RARB: variants seen among roughly 807,000 people sequenced by gnomAD.
RARB encodes HBV-activated protein.
In RARB, 17 loss-of-function variants were observed where a neutral mutation model predicts 51.9. That is an observed-to-expected ratio of 0.33 (90% confidence interval 0.22 to 0.49). RARB has a LOEUF of 0.49. RARB is among the 20% of genes least tolerant of loss of function. The pLI, the probability that RARB is intolerant of heterozygous loss-of-function variation, is 0.99. For missense variants in RARB, 369 were observed against 550.8 expected (o/e 0.67, Z 3.30); for synonymous variants, 215 against 195.4 (o/e 1.10, Z -0.84).
chr3:24,846,328 T>G (rs1702485436), intron 1 of RARB, among the ~76,000 whole-genome samples: 1 of 152,220 alleles, frequency 6.6e-6, no homozygotes, highest in African/African-American at 2.4e-5. Context: ...TAAGACAATA[T>G]CTGGCACTTA....
intron 5 of RARB, among the ~76,000 whole-genome samples, chr3:25,289,364 G>A (rs945507406): frequency 4.6e-5 from 7 of 152,206 alleles, no homozygotes; most frequent in Admixed American, 3.9e-4. Context: ...CTATCCAAGA[G>A]ACAGAGTATC....
At chr3:25,464,818 T>C (rs1695350733) in intron 2 of RARB, among the ~76,000 whole-genome samples, 1 of 152,138 alleles carries the variant, frequency 6.6e-6, no homozygotes, top group Non-Finnish European at 1.5e-5. Flanking sequence ...ATTGTTATTG[T>C]TTCAGAAAAA....
At chr3:25,148,893 T>G (rs1336444443) in intron 4 of RARB, among the ~76,000 whole-genome samples, 1 of 151,948 alleles carries the variant, frequency 6.6e-6, no homozygotes, top group East Asian at 1.9e-4. Context: ...CTTCTTCCCC[T>G]ATCTTTTTTC....
At chr3:25,580,813 C>G in intron 5 of RARB, 91 bp downstream of exon 5, 2 of 1,363,554 alleles carry the variant, frequency 1.5e-6, no homozygotes, top group South Asian at 3.3e-5. Context: ...TTGAAGATCT[C>G]CAGAGGAGGT....
intron 4 of RARB, among the ~76,000 whole-genome samples, chr3:25,140,622 A>G (rs1700093420): frequency 6.6e-6 from 1 of 152,232 alleles, no homozygotes. Flanking sequence ...CATTTAGAAT[A>G]TTCCATAAAC....
chr3:25,176,147 A>G (rs1700738775), intron 5 of RARB, among the ~76,000 whole-genome samples: 1 of 152,080 alleles, frequency 6.6e-6, no homozygotes, highest in South Asian at 2.1e-4. Context: ...GTAGCCAAGA[A>G]GTTGAGATAT....
chr3:25,003,493 T>C (rs1385743589), intron 2 of RARB, among the ~76,000 whole-genome samples: 1 of 152,172 alleles, frequency 6.6e-6, no homozygotes, highest in Non-Finnish European at 1.5e-5. Flanking sequence ...TACAGTTTTG[T>C]CAGCACTGTG....
intron 3 of RARB, among the ~76,000 whole-genome samples, chr3:25,084,435 G>A (rs1439979384): frequency 6.6e-6 from 1 of 150,904 alleles, no homozygotes; most frequent in Non-Finnish European, 1.5e-5. Context: ...TTTGCTATTT[G>A]TAATATAGTT....
At chr3:25,362,645 A>G (rs13325064) in intron 5 of RARB, among the ~76,000 whole-genome samples, 70,970 of 152,138 alleles carry the variant, frequency 0.47, 17,378 homozygotes, top group East Asian at 0.84. Flanking sequence ...TGCAAAGACC[A>G]TGAGAAAAGC....
At position 25,506,446 on chromosome 3, in the gene RARB, A is replaced by AT. The variant is rs571133154; in HGVS notation, c.448+5130dup. Among the ~76,000 whole-genome samples, 21 of 152,026 alleles carry AT rather than the reference A, an allele frequency of 1.4e-4. No homozygotes were observed. The South Asian group carries it at 4.0e-3, about 29-fold the overall frequency. On this transcript the variant is annotated intron_variant, in intron 3 of 7. Coordinates refer to ENST00000330688, the MANE Select transcript of RARB (RefSeq NM_000965.5). ...CGTGGCAAGACCCCAACTCTACAAA[A>AT]TTTTTTTAAAAATTAGCTGAGAGTG...
intron 5 of RARB, among the ~76,000 whole-genome samples, chr3:25,374,531 A>T (rs78155235): frequency 0.017 from 2,612 of 152,196 alleles, 71 homozygotes; most frequent in African/African-American, 0.058. Context: ...CCCCCACAGA[A>T]GTTAGTGGCC....
intron 3 of RARB, among the ~76,000 whole-genome samples, chr3:25,113,818 C>A (rs1465193646): frequency 6.6e-6 from 1 of 152,050 alleles, no homozygotes; most frequent in Non-Finnish European, 1.5e-5. Context: ...GAGGAAAGGA[C>A]CCTGAGCAGA....
rs553737586 is a variant in RARB, at chr3:25,153,054, C to T, written c.-280+20846C>T. On this transcript the variant is annotated intron_variant, in intron 4 of 11. Coordinates refer to the RARB transcript ENST00000383772. ...GAATAATTTTGAATCTATTGATAAG[C>T]ACTCTTCATTACTACTTTCATGGAA... Among the ~76,000 whole-genome samples the T allele has an allele frequency of 7.2e-5, 11 of 152,262 alleles. No homozygotes were observed. The East Asian group carries it at 2.1e-3, about 29-fold the overall frequency.
At chr3:25,129,615 G>A (rs897392351) in intron 3 of RARB, among the ~76,000 whole-genome samples, 2 of 151,926 alleles carry the variant, frequency 1.3e-5, no homozygotes, top group Non-Finnish European at 2.9e-5. Context: ...AAATATCAGA[G>A]TATGACTCAT....
chr3:24,886,305 G>A (rs1481359234), intron 2 of RARB, among the ~76,000 whole-genome samples: 1 of 151,980 alleles, frequency 6.6e-6, no homozygotes, highest in Non-Finnish European at 1.5e-5. Context: ...TCATTTCTTT[G>A]GAGTCCCTGA....
chr3:25,485,865 G>C (rs1696441382), intron 2 of RARB, among the ~76,000 whole-genome samples: 1 of 152,266 alleles, frequency 6.6e-6, no homozygotes, highest in East Asian at 1.9e-4. Context: ...GGGCTGTCTA[G>C]ATTCTGGGGA....
intron 1 of RARB, among the ~76,000 whole-genome samples, chr3:24,846,127 A>G (rs1490454704): frequency 6.6e-6 from 1 of 152,216 alleles, no homozygotes; most frequent in African/African-American, 2.4e-5. Context: ...AAGAAAAGGT[A>G]AGACAAAATT....
At chr3:25,216,558 G>A (rs552430062) in intron 5 of RARB, among the ~76,000 whole-genome samples, 7 of 149,230 alleles carry the variant, frequency 4.7e-5, no homozygotes, top group African/African-American at 1.7e-4. Flanking sequence ...ACACAAAGGG[G>A]AACAACACAC....
At chr3:25,451,672 A>G (rs983190522) in intron 1 of RARB, among the ~76,000 whole-genome samples, 2 of 152,202 alleles carry the variant, frequency 1.3e-5, no homozygotes, top group African/African-American at 4.8e-5. Flanking sequence ...GGTATGTGAC[A>G]AAGCATAATT....
Sources: allele counts gnomAD v4.1 joint callset (sites outside exome capture counted in the v4.1 genomes callset), GRCh38; gene constraint gnomAD v4.1.1; transcripts MANE v1.5; gene names NCBI Gene and HGNC (gene_info 2026-07-23, HGNC 2026-07-21).